MCF2L2: variants seen among roughly 807,000 people sequenced by gnomAD.
MCF2L2 encodes MCF.2 cell line derived transforming sequence-like 2.
MCF2L2 carries 102 observed loss-of-function variants against 150.2 expected under a neutral mutation model. The ratio of observed to expected loss-of-function variants is 0.68; its 90% CI spans 0.58 to 0.80. The LOEUF (loss-of-function observed/expected upper bound fraction) is 0.80. MCF2L2 is among the 30% of genes least tolerant of loss of function. The pLI, the probability that MCF2L2 is intolerant of heterozygous loss-of-function variation, is 0.00. For synonymous variants in MCF2L2, 465 were observed against 491.3 expected, an observed-to-expected ratio of 0.95 and a Z score of 0.71; for missense variants, 1,256 against 1,372.8, an observed-to-expected ratio of 0.91 and a Z score of 1.34.
intron 1 of MCF2L2, among the ~76,000 whole-genome samples, chr3:183,395,702 TG>T (rs1180017929): frequency 5.3e-5 from 8 of 151,948 alleles, no homozygotes; most frequent in Non-Finnish European, 8.8e-5. Flanking sequence ...GAGGATCACC[TG>T]AGGTCAGGAG....
chr3:183,392,573 T>C (rs919575406), intron 1 of MCF2L2, among the ~76,000 whole-genome samples: 22 of 152,330 alleles, frequency 1.4e-4, no homozygotes, highest in Admixed American at 1.0e-3. Flanking sequence ...TGAGAGTGCT[T>C]GCTCTCCAGC....
chr3:183,191,830 A>G (rs139754384), intron 27 of MCF2L2, among the ~76,000 whole-genome samples: 1 of 151,696 alleles, frequency 6.6e-6, no homozygotes, highest in African/African-American at 2.4e-5. Flanking sequence ...TTGTTTGTTT[A>G]TTTATTTATT....
intron 3 of MCF2L2, among the ~76,000 whole-genome samples, chr3:183,371,672 T>C (rs1712894340): frequency 1.3e-5 from 2 of 151,482 alleles, no homozygotes; most frequent in South Asian, 4.2e-4. Flanking sequence ...GAGATGGGGT[T>C]TCACCATGTT....
At chr3:183,367,708 A>G (rs996664558) in intron 3 of MCF2L2, among the ~76,000 whole-genome samples, 1 of 152,234 alleles carries the variant, frequency 6.6e-6, no homozygotes, top group Non-Finnish European at 1.5e-5. Context: ...TATCTAAGGT[A>G]GCTGGATCAC....
At position 183,396,859 on chromosome 3, in the gene MCF2L2, G is replaced by A. The variant is rs78283278; in HGVS notation, c.77-7080C>T. 4.2e-3 allele frequency among the ~76,000 whole-genome samples: 642 copies of A among 152,256 alleles called. 5 individuals carry two copies. The highest frequency in any genetic ancestry group is 0.014 in the African/African-American group (600 of 41,544). ...AACATGGAGAAAACCATGTGAAGAT[G>A]GAGACAGATATCTGAATGATGCAAC... On this transcript the variant is annotated intron_variant, in intron 1 of 29. Transcript: ENST00000328913.
chr3:183,198,179 C>T (rs191491233), intron 25 of MCF2L2, among the ~76,000 whole-genome samples: 74 of 152,260 alleles, frequency 4.9e-4, no homozygotes, highest in African/African-American at 1.7e-3. Context: ...AGAAACAAAT[C>T]GGATGTTCAT....
intron 3 of MCF2L2, among the ~76,000 whole-genome samples, chr3:183,351,189 A>AATATATAT (rs1731100927): frequency 3.3e-5 from 2 of 59,860 alleles, no homozygotes; most frequent in African/African-American, 9.6e-5. Context: ...TATTTTCTTA[A>AATATATAT]GTATATATAT....
intron 22 of MCF2L2, among the ~76,000 whole-genome samples, chr3:183,211,535 G>GCA (rs570518894): frequency 2.0e-4 from 31 of 152,316 alleles, no homozygotes; most frequent in African/African-American, 7.0e-4. Flanking sequence ...CCAAGGGCAG[G>GCA]CACACACACT....
chr3:183,358,337 A>G (rs1164830779), intron 3 of MCF2L2, among the ~76,000 whole-genome samples: 1 of 152,236 alleles, frequency 6.6e-6, no homozygotes, highest in Non-Finnish European at 1.5e-5. Flanking sequence ...GAAAAAGAAG[A>G]GTGTGGTGTT....
intron 23 of MCF2L2, among the ~76,000 whole-genome samples, 164 bp downstream of exon 23, chr3:183,207,444 C>T (rs1411017219): frequency 1.3e-5 from 2 of 152,206 alleles, no homozygotes; most frequent in Non-Finnish European, 2.9e-5. Context: ...AGCTCTGACC[C>T]TGGAGTCAGA....
At chr3:183,286,291 T>C (rs948766831) in intron 14 of MCF2L2, among the ~76,000 whole-genome samples, 2 of 152,124 alleles carry the variant, frequency 1.3e-5, no homozygotes, top group African/African-American at 4.8e-5. Context: ...GGCAAAGGGG[T>C]GGCATTTATC....
intron 25 of MCF2L2, among the ~76,000 whole-genome samples, chr3:183,198,415 T>A (rs1301886985): frequency 6.6e-6 from 1 of 151,690 alleles, no homozygotes; most frequent in Non-Finnish European, 1.5e-5. Context: ...AGATTGGTGG[T>A]CACCTGGGGT....
At chr3:183,393,419 C>G (rs1714275171) in intron 1 of MCF2L2, among the ~76,000 whole-genome samples, 1 of 152,092 alleles carries the variant, frequency 6.6e-6, no homozygotes, top group African/African-American at 2.4e-5. Context: ...TCTCCAACTT[C>G]CGACCTCAGG....
intron 3 of MCF2L2, among the ~76,000 whole-genome samples, chr3:183,371,069 G>A (rs1054089782): frequency 1.9e-4 from 29 of 152,184 alleles, no homozygotes; most frequent in Admixed American, 9.8e-4. Context: ...TCCACAGCCA[G>A]TCCAGCGAAA....
At chr3:183,386,168 G>A (rs530625605) in intron 2 of MCF2L2, among the ~76,000 whole-genome samples, 1 of 152,294 alleles carries the variant, frequency 6.6e-6, no homozygotes, top group South Asian at 2.1e-4. Context: ...ATGAAAAACT[G>A]GGGTTTGGAG....
At chr3:183,354,552 TAACCATTTC>T (rs869195250) in intron 3 of MCF2L2, among the ~76,000 whole-genome samples, 7 of 146,770 alleles carry the variant, frequency 4.8e-5, no homozygotes, top group African/African-American at 1.7e-4. Context: ...GATAATAACT[TAACCATTTC>T]AACCAATTAC....
chr3:183,327,239 C>T (rs556311973), intron 5 of MCF2L2, among the ~76,000 whole-genome samples: 8 of 152,078 alleles, frequency 5.3e-5, no homozygotes, highest in South Asian at 4.2e-4. Context: ...GCAGGAGAAT[C>T]GCTTGAACCT....
chr3:183,390,406 A>G (rs1336455219), intron 1 of MCF2L2, among the ~76,000 whole-genome samples: 2 of 152,136 alleles, frequency 1.3e-5, no homozygotes, highest in African/African-American at 4.8e-5. Flanking sequence ...TAGGTTTCCA[A>G]TGCAAAAATC....
chr3:183,426,106 A>G (rs1220647091), intron 1 of MCF2L2, among the ~76,000 whole-genome samples: 1 of 152,226 alleles, frequency 6.6e-6, no homozygotes, highest in East Asian at 1.9e-4. Context: ...GCCAAGGGTC[A>G]TTAGAGGTTG....
Sources: gnomAD v4.1 joint callset for allele counts (sites outside exome capture counted in the v4.1 genomes callset) on GRCh38, gnomAD v4.1.1 for gene constraint, MANE v1.5 for transcripts, NCBI Gene and HGNC (gene_info 2026-07-23, HGNC 2026-07-21) for gene names.